The following PIK3CB variants were observed in gnomAD, a reference collection of about 807,000 sequenced individuals.
PIK3CB encodes the protein phosphatidylinositol-4,5-bisphosphate 3-kinase catalytic subunit beta.
PIK3CB carries 39 observed loss-of-function variants against 136.8 expected under a neutral mutation model. The observed-to-expected ratio is 0.29, with a 90% CI of 0.22 to 0.37. The LOEUF is 0.37. Ranked by LOEUF, PIK3CB falls within the 10% of genes least tolerant of loss-of-function variation. The probability of loss-of-function intolerance (pLI) is 1.00; values close to 1 mark genes in which losing one functional copy is unlikely to be tolerated. For synonymous variants in PIK3CB, 428 were observed against 436.6 expected, an observed-to-expected ratio of 0.98 and a Z score of 0.25; for missense variants, 868 against 1,275.4, an observed-to-expected ratio of 0.68 and a Z score of 4.87.
chr3:138,719,211 A>G (rs1245733796), intron 8 of PIK3CB, among the ~76,000 whole-genome samples: 1 of 147,520 alleles, frequency 6.8e-6, no homozygotes, highest in African/African-American at 2.5e-5. Flanking sequence ...TATCTAACTT[A>G]TCAGAAACTT....
intron 14 of PIK3CB, among the ~76,000 whole-genome samples, chr3:138,693,016 GA>G (rs1197887891): frequency 1.3e-5 from 2 of 152,196 alleles, no homozygotes; most frequent in Non-Finnish European, 2.9e-5. Flanking sequence ...ACACAGTAGT[GA>G]AAGGAATAAA....
At chr3:138,669,690 CAA>C (rs1373248812) in intron 19 of PIK3CB, among the ~76,000 whole-genome samples, 2 of 152,104 alleles carry the variant, frequency 1.3e-5, no homozygotes, top group South Asian at 2.1e-4. Context: ...TGAAAGGTAT[CAA>C]AAGAGTATTT....
At chr3:138,672,737 C>A (rs1577055510) in intron 19 of PIK3CB, among the ~76,000 whole-genome samples, 1 of 151,568 alleles carries the variant, frequency 6.6e-6, no homozygotes, top group Non-Finnish European at 1.5e-5. Flanking sequence ...CATGGTGAAA[C>A]CCTGCCTCTA....
At chr3:138,711,080 T>C (rs1472898799) in intron 10 of PIK3CB, among the ~76,000 whole-genome samples, 1 of 147,972 alleles carries the variant, frequency 6.8e-6, no homozygotes, top group South Asian at 2.1e-4. Flanking sequence ...CGAGACTCCA[T>C]CTCAAAAAAA....
intron 2 of PIK3CB, among the ~76,000 whole-genome samples, chr3:138,769,312 A>G (rs562009800): frequency 3.3e-5 from 5 of 152,358 alleles, no homozygotes; most frequent in South Asian, 2.1e-4. Context: ...AGTAATGAAC[A>G]TAACAGTATA....
At chr3:138,731,766 C>T (rs2044978858) in intron 8 of PIK3CB, among the ~76,000 whole-genome samples, 1 of 151,576 alleles carries the variant, frequency 6.6e-6, no homozygotes, top group African/African-American at 2.4e-5. Flanking sequence ...AGGCGGATCA[C>T]GAGGTCAGGA....
intron 1 of PIK3CB, among the ~76,000 whole-genome samples, chr3:138,832,830 C>CA (rs1219182171): frequency 0.44 from 23,240 of 52,264 alleles, 4,321 homozygotes; most frequent in Non-Finnish European, 0.49. Flanking sequence ...AACTCCGTCT[C>CA]AAAAAAAAAA....
intron 2 of PIK3CB, chr3:138,778,555 C>T: frequency 4.5e-6 from 1 of 223,652 alleles, no homozygotes; most frequent in Non-Finnish European, 9.0e-6. Context: ...ACCTGACCTG[C>T]CATCTGGAGA....
chr3:138,784,829 G>A (rs1342100195), intron 2 of PIK3CB, among the ~76,000 whole-genome samples: 1 of 152,184 alleles, frequency 6.6e-6, no homozygotes, highest in East Asian at 1.9e-4. Flanking sequence ...TGCTGAGATT[G>A]CAGCCTCTGC....
intron 8 of PIK3CB, among the ~76,000 whole-genome samples, chr3:138,722,487 T>C (rs2044749180): frequency 6.6e-6 from 1 of 152,110 alleles, no homozygotes; most frequent in South Asian, 2.1e-4. Context: ...ATTTTACAAA[T>C]GATTATTTTT....
At chr3:138,672,938 A>G (rs2043567026) in intron 19 of PIK3CB, among the ~76,000 whole-genome samples, 1 of 150,794 alleles carries the variant, frequency 6.6e-6, no homozygotes, top group Non-Finnish European at 1.5e-5. Context: ...AAAGAGAGAG[A>G]GAGAAAGAGA....
intron 1 of PIK3CB, among the ~76,000 whole-genome samples, chr3:138,817,516 C>CA (rs1012740402): frequency 2.7e-5 from 4 of 150,368 alleles, no homozygotes; most frequent in African/African-American, 4.9e-5. Flanking sequence ...AACTCTATCT[C>CA]AAAAAAAAAG....
intron 1 of PIK3CB, chr3:138,797,365 T>G (rs1177757970): frequency 6.6e-6 from 1 of 152,154 alleles, no homozygotes; most frequent in East Asian, 1.9e-4. Flanking sequence ...CGGTGACAGC[T>G]TACCAGTAAA....
chr3:138,700,666 C>T (rs937571702), intron 12 of PIK3CB, among the ~76,000 whole-genome samples: 3 of 151,052 alleles, frequency 2.0e-5, no homozygotes, highest in African/African-American at 7.3e-5. Flanking sequence ...CCAGCCCGGG[C>T]AACAGAGCAA....
rs990920945 is a variant in PIK3CB, at chr3:138,672,828, C to T, written c.2505-7625G>A. Among the ~76,000 whole-genome samples, 3 of 147,616 alleles carry T rather than the reference C, an allele frequency of 2.0e-5. No individual in the cohort carries two copies. The Admixed American group carries it at 2.1e-4, about 10-fold the overall frequency. ...TGGGGAGGCTGAGGCAGGAGAATCG[C>T]TTGAACCTGGGAGGTGGAGATTGCA... On this transcript the variant is annotated intron_variant, in intron 19 of 23. Transcript: ENST00000674063.
At chr3:138,817,543 T>C (rs971979121) in intron 1 of PIK3CB, among the ~76,000 whole-genome samples, 9 of 152,082 alleles carry the variant, frequency 5.9e-5, no homozygotes, top group African/African-American at 1.9e-4. Context: ...AATTAAAATA[T>C]GCTGGTAGAG....
chr3:138,764,638 C>T (rs907952924), intron 2 of PIK3CB, among the ~76,000 whole-genome samples: 1 of 152,040 alleles, frequency 6.6e-6, no homozygotes, highest in Non-Finnish European at 1.5e-5. Flanking sequence ...TGGGCCCCTA[C>T]TTTCCTTCCT....
rs2044321071 is a variant in PIK3CB, at chr3:138,704,431, C to T, written c.1581+12G>A. The T allele has an allele frequency of 2.5e-6, 4 of 1,575,134 alleles. No individual in the cohort carries two copies. The highest frequency in any genetic ancestry group is 3.5e-6 in the Non-Finnish European group (4 of 1,144,590). ...CCATAAGAAAGGGCCATTTAAAACT[C>T]TTGATACTTACTGACACATTAGCAC... On this transcript the variant is annotated intron_variant, in intron 12 of 23. Coordinates refer to ENST00000674063, the MANE Select transcript of PIK3CB (RefSeq NM_006219.3).
chr3:138,685,396 C>CAAAAAAAAAAAAAAAAAAAAAAAA (rs398052626), intron 16 of PIK3CB, among the ~76,000 whole-genome samples: 34 of 58,322 alleles, frequency 5.8e-4, no homozygotes, highest in African/African-American at 6.9e-4. Context: ...GAAACTGTCT[C>CAAAAAAAAAAAAAAAAAAAAAAAA]AAAAAAAAAA....
Sources: gnomAD v4.1 joint callset for allele counts (sites outside exome capture counted in the v4.1 genomes callset) on GRCh38, gnomAD v4.1.1 for gene constraint, MANE v1.5 for transcripts, NCBI Gene and HGNC (gene_info 2026-07-23, HGNC 2026-07-21) for gene names.